Variants in TYR observed in about 807,000 individuals in gnomAD.
The protein encoded by TYR is tyrosinase, also known as LB24-AB.
TYR carries 58 observed loss-of-function variants against 51.5 expected under a neutral mutation model. The observed-to-expected ratio is 1.13, with a 90% confidence interval of 0.91 to 1.40. The LOEUF (loss-of-function observed/expected upper bound fraction) is 1.40. Ranked by LOEUF, TYR falls within the 40% of genes most tolerant of loss-of-function variation. The pLI is 0.00. For missense variants in TYR, 732 were observed against 647.4 expected, an observed-to-expected ratio of 1.13 and a Z score of -1.42; for synonymous variants, 263 against 235.2, an observed-to-expected ratio of 1.12 and a Z score of -1.08.
chr11:89,199,566 G>A (rs1943570173), intron 2 of TYR, among the ~76,000 whole-genome samples: 1 of 152,136 alleles, frequency 6.6e-6, no homozygotes, highest in Non-Finnish European at 1.5e-5. Flanking sequence ...TATAGAACTG[G>A]ATTTCAGTAT....
At chr11:89,216,948 C>G (rs2135273661) in intron 2 of TYR, among the ~76,000 whole-genome samples, 1 of 152,280 alleles carries the variant, frequency 6.6e-6, no homozygotes, top group African/African-American at 2.4e-5. Flanking sequence ...AAGATGTTAT[C>G]TCCAGCTAGT....
chr11:89,259,476 T>TA (rs1458103815), intron 3 of TYR, among the ~76,000 whole-genome samples: 1 of 152,118 alleles, frequency 6.6e-6, no homozygotes, highest in African/African-American at 2.4e-5. Context: ...CAATAGATCT[T>TA]ACGCTAAATT....
intron 3 of TYR, among the ~76,000 whole-genome samples, chr11:89,238,117 G>A (rs1047582268): frequency 6.6e-6 from 1 of 152,070 alleles, no homozygotes; most frequent in African/African-American, 2.4e-5. Flanking sequence ...TTACAGTCTT[G>A]AGCCACTGCT....
chr11:89,287,134 T>C (rs1944798409), intron 4 of TYR, among the ~76,000 whole-genome samples: 1 of 151,784 alleles, frequency 6.6e-6, no homozygotes, highest in Non-Finnish European at 1.5e-5. Context: ...CTGTCCTGGG[T>C]TTTATTCTTC....
chr11:89,275,533 A>G (rs552277122), intron 3 of TYR, among the ~76,000 whole-genome samples: 2 of 152,022 alleles, frequency 1.3e-5, no homozygotes, highest in South Asian at 4.1e-4. Flanking sequence ...TTTCTTCTGT[A>G]AAATGGAATC....
intron 3 of TYR, among the ~76,000 whole-genome samples, chr11:89,273,180 A>AT (rs1456046305): frequency 2.6e-5 from 4 of 151,864 alleles, no homozygotes; most frequent in Non-Finnish European, 4.4e-5. Context: ...CCTCATTATT[A>AT]TTCTTACCTC....
At chr11:89,190,416 G>A (rs939353796) in intron 1 of TYR, among the ~76,000 whole-genome samples, 3 of 151,984 alleles carry the variant, frequency 2.0e-5, no homozygotes, top group Non-Finnish European at 2.9e-5. Flanking sequence ...AGTTTTTAAC[G>A]AAATTTCAAT....
chr11:89,218,998 C>T (rs772500565), intron 2 of TYR, among the ~76,000 whole-genome samples: 1 of 152,204 alleles, frequency 6.6e-6, no homozygotes, highest in Non-Finnish European at 1.5e-5. Flanking sequence ...TGAGGTCCCT[C>T]ACTTACAAAG....
chr11:89,210,921 T>C (rs1251478846), intron 2 of TYR, among the ~76,000 whole-genome samples: 1 of 152,126 alleles, frequency 6.6e-6, no homozygotes, highest in African/African-American at 2.4e-5. Context: ...CTGAGAGATT[T>C]TGTCACCATC....
At chr11:89,267,291 TCTTA>T (rs1944537068) in intron 3 of TYR, among the ~76,000 whole-genome samples, 2 of 151,990 alleles carry the variant, frequency 1.3e-5, no homozygotes, top group Admixed American at 6.6e-5. Context: ...GAATAATGAC[TCTTA>T]CTTTATAGCA....
chr11:89,233,549 A>T (rs895662602), intron 3 of TYR, among the ~76,000 whole-genome samples: 2 of 140,774 alleles, frequency 1.4e-5, no homozygotes, highest in Admixed American at 7.2e-5. Context: ...TCTATGGAAT[A>T]TATAGCCTTA....
intron 3 of TYR, among the ~76,000 whole-genome samples, chr11:89,242,545 G>A (rs1944212319): frequency 6.6e-6 from 1 of 152,096 alleles, no homozygotes; most frequent in African/African-American, 2.4e-5. Flanking sequence ...ACCTGCTAGT[G>A]TGGAAGGACT....
At chr11:89,205,632 C>T (rs1349448189) in intron 2 of TYR, among the ~76,000 whole-genome samples, 2 of 151,782 alleles carry the variant, frequency 1.3e-5, no homozygotes, top group Non-Finnish European at 2.9e-5. Context: ...GTGTTCTATG[C>T]CCAGGGAAAA....
At chr11:89,281,539 C>T (rs1944722483) in intron 3 of TYR, among the ~76,000 whole-genome samples, 1 of 151,722 alleles carries the variant, frequency 6.6e-6, no homozygotes, top group South Asian at 2.1e-4. Context: ...CGAAGTGTTT[C>T]AGTGTTCCTA....
chr11:89,262,847 CAAAAAAAAAAAAAAA>C (rs771958187), intron 3 of TYR, among the ~76,000 whole-genome samples: 4 of 19,296 alleles, frequency 2.1e-4, no homozygotes, highest in East Asian at 3.8e-3. Flanking sequence ...GCTACTCATC[CAAAAAAAAAAAAAAA>C]AAAAAAAAAA....
At chr11:89,229,747 T>TAA (rs1044482038) in intron 3 of TYR, among the ~76,000 whole-genome samples, 13 of 151,910 alleles carry the variant, frequency 8.6e-5, no homozygotes, top group Non-Finnish European at 1.5e-5. Flanking sequence ...TTCTGTACAC[T>TAA]AACAATGAAC....
intron 3 of TYR, 129 bp downstream of exon 3, chr11:89,228,099 C>A: frequency 8.8e-7 from 1 of 1,130,006 alleles, no homozygotes; most frequent in Non-Finnish European, 1.3e-6. Flanking sequence ...ATCAGGTTGT[C>A]ACCAAAACAG....
chr11:89,203,688 C>T (rs1327900401), intron 2 of TYR, among the ~76,000 whole-genome samples: 1 of 152,008 alleles, frequency 6.6e-6, no homozygotes, highest in East Asian at 1.9e-4. Flanking sequence ...TTTTATTTTC[C>T]TCATATATTC....
At chr11:89,213,884 G>T (rs185765266) in intron 2 of TYR, among the ~76,000 whole-genome samples, 1 of 152,264 alleles carries the variant, frequency 6.6e-6, no homozygotes, top group East Asian at 1.9e-4. Flanking sequence ...AAACTGGCTA[G>T]CCATATGTAG....
Sources: gnomAD v4.1 joint callset for allele counts (sites outside exome capture counted in the v4.1 genomes callset) on GRCh38, gnomAD v4.1.1 for gene constraint, MANE v1.5 for transcripts, NCBI Gene and HGNC (gene_info 2026-07-23, HGNC 2026-07-21) for gene names.